Variants in CYB5R4 observed in about 807,000 individuals in gnomAD.
The protein encoded by CYB5R4 is cytochrome b5 reductase 4.
Under a neutral mutation model 70.2 loss-of-function variants are expected in CYB5R4, and 55 were observed. The ratio of observed to expected loss-of-function variants is 0.78; its 90% CI spans 0.63 to 0.98. CYB5R4 has a LOEUF of 0.98. CYB5R4 is among the 50% of genes least tolerant of loss of function. CYB5R4 has a pLI of 0.00. For missense variants in CYB5R4, 562 were observed against 612.6 expected, an observed-to-expected ratio of 0.92 and a Z score of 0.87; for synonymous variants, 197 against 199.5, an observed-to-expected ratio of 0.99 and a Z score of 0.11.
At chr6:83,918,120 A>G in intron 6 of CYB5R4, 55 bp downstream of exon 6, 1 of 1,337,008 alleles carries the variant, frequency 7.5e-7, no homozygotes, top group Non-Finnish European at 1.1e-6. Flanking sequence ...ACAAAAATGT[A>G]CACATTTAAA....
intron 9 of CYB5R4, among the ~76,000 whole-genome samples, chr6:83,924,086 A>AAG (rs1174216133): frequency 1.3e-5 from 2 of 150,464 alleles, no homozygotes; most frequent in African/African-American, 4.9e-5. Flanking sequence ...AAAAAAAAAA[A>AAG]AAAGAATTAA....
chr6:83,882,199 G>A (rs546064333), intron 2 of CYB5R4, among the ~76,000 whole-genome samples: 10 of 152,290 alleles, frequency 6.6e-5, no homozygotes, highest in Admixed American at 5.2e-4. Flanking sequence ...CATTGAACTT[G>A]AGGTTATGTG....
rs758410641 is a variant in CYB5R4 at position 83,918,065 on chromosome 6, G to A, written c.506G>A (p.Ser169Asn). The change falls in exon 6 of 16, where the codon AGC becomes AAC. Residue 169 changes from serine to asparagine, a missense_variant and splice_region_variant. Transcript: ENST00000369681. ...GCCAAAGAAGGTCCTAGTTATCCAA[G>A]GTATGCATTCTTATTTAAAATTTTT... is the stretch of plus-strand genomic sequence containing the variant. ...TLAKEGPSYPSYDWFQTDSLV... is the reference protein window; with the variant it reads ...TLAKEGPSYPNYDWFQTDSLV... 10 of 1,605,938 alleles carry A rather than the reference G, an allele frequency of 6.2e-6. No homozygotes were observed. The highest frequency in any genetic ancestry group is 8.5e-6 in the Non-Finnish European group (10 of 1,174,016).
At chr6:83,950,758 C>T (rs1468530591) in intron 14 of CYB5R4, among the ~76,000 whole-genome samples, 1 of 151,946 alleles carries the variant, frequency 6.6e-6, no homozygotes, top group Non-Finnish European at 1.5e-5. Context: ...AAAAATCACC[C>T]ATAATCCTAC....
chr6:83,904,944 G>C (rs1299638687), intron 3 of CYB5R4, among the ~76,000 whole-genome samples: 1 of 151,618 alleles, frequency 6.6e-6, no homozygotes, highest in African/African-American at 2.4e-5. Context: ...TCCTTTGGAA[G>C]TGTCATATTT....
chr6:83,870,615 T>C (rs1337483317), intron 2 of CYB5R4, among the ~76,000 whole-genome samples: 1 of 152,024 alleles, frequency 6.6e-6, no homozygotes, highest in Non-Finnish European at 1.5e-5. Flanking sequence ...CCCAGTAATA[T>C]ACTATCTAAA....
chr6:83,911,461 G>T (rs1562836848), intron 4 of CYB5R4, among the ~76,000 whole-genome samples: 1 of 152,088 alleles, frequency 6.6e-6, no homozygotes, highest in Non-Finnish European at 1.5e-5. Context: ...CAACAAGACT[G>T]AGCTCTTATC....
intron 2 of CYB5R4, among the ~76,000 whole-genome samples, chr6:83,888,155 C>T (rs1419668059): frequency 6.6e-6 from 1 of 152,046 alleles, no homozygotes; most frequent in Admixed American, 6.6e-5. Context: ...GTGGGAATAA[C>T]TTAATAAAAT....
chr6:83,896,804 C>T (rs957438347), intron 3 of CYB5R4, among the ~76,000 whole-genome samples: 7 of 151,954 alleles, frequency 4.6e-5, no homozygotes, highest in African/African-American at 1.7e-4. Flanking sequence ...AGTGGGATTG[C>T]TATGGTAGTT....
chr6:83,921,073 C>T lies in CYB5R4; in HGVS notation c.565-9C>T, dbSNP rs898836569. The T allele has an allele frequency of 6.8e-7, 1 of 1,472,674 alleles. No individual in the cohort carries two copies. The highest frequency in any genetic ancestry group is 9.1e-7 in the Non-Finnish European group (1 of 1,097,992). 91.2% of individuals were successfully genotyped at this position (1,472,674 alleles called of 1,614,324 possible). The stretch of plus-strand genomic sequence containing the variant: ...TTTCTAATCTTTCTATTTTTGCTTT[C>T]TCTTTAAGGATATCAATTTAGACTC... On this transcript the variant is annotated splice_polypyrimidine_tract_variant and intron_variant, in intron 7 of 15. Transcript: ENST00000369681.
At chr6:83,889,833 C>T (rs1196831094) in intron 2 of CYB5R4, among the ~76,000 whole-genome samples, 1 of 152,148 alleles carries the variant, frequency 6.6e-6, no homozygotes, top group Non-Finnish European at 1.5e-5. Flanking sequence ...AGGCACATCA[C>T]ATAGCAAAAG....
intron 3 of CYB5R4, among the ~76,000 whole-genome samples, chr6:83,903,491 T>G (rs957215205): frequency 6.6e-6 from 1 of 151,922 alleles, no homozygotes; most frequent in East Asian, 1.9e-4. Flanking sequence ...TTTTTTTGGT[T>G]GTTGTTTTTG....
rs1049254845 is a variant in CYB5R4 at position 83,964,651 on chromosome 6, T to C, written c.*4773T>C. On this transcript the variant is annotated 3_prime_UTR_variant, in exon 16 of 16. Transcript: ENST00000369681. ...GAGAAATTCAAGCTGGCTGTAGATA[T>C]TTGCATAAGTAACAAGGAACTGAAT... 3 of 152,148 alleles carry C rather than the reference T, an allele frequency of 2.0e-5. No individual in the cohort carries two copies. Among genetic ancestry groups the C allele is most frequent in the Non-Finnish European group, 4.4e-5 (3 of 68,038 alleles). 9.4% of individuals were successfully genotyped at this position (152,148 alleles called of 1,614,324 possible).
chr6:83,911,926 G>A (rs143077308), intron 4 of CYB5R4, among the ~76,000 whole-genome samples: 7 of 151,970 alleles, frequency 4.6e-5, no homozygotes, highest in African/African-American at 1.7e-4. Flanking sequence ...GCCTAGTGGT[G>A]CATGCCTGTG....
chr6:83,926,002 C>G (rs752487306), intron 10 of CYB5R4, among the ~76,000 whole-genome samples: 1 of 152,114 alleles, frequency 6.6e-6, no homozygotes, highest in African/African-American at 2.4e-5. Flanking sequence ...TAAAGAATGA[C>G]TGGTAATGTT....
chr6:83,948,120 TA>T (rs2099470931), intron 14 of CYB5R4, among the ~76,000 whole-genome samples: 1 of 152,102 alleles, frequency 6.6e-6, no homozygotes, highest in South Asian at 2.1e-4. Context: ...GGAACCAACC[TA>T]AATGTCCATC....
At chr6:83,883,822 A>C (rs956899927) in intron 2 of CYB5R4, among the ~76,000 whole-genome samples, 5 of 152,134 alleles carry the variant, frequency 3.3e-5, no homozygotes, top group African/African-American at 1.2e-4. Context: ...TGTGGAGTTA[A>C]AGGATAGGAG....
chr6:83,872,293 C>T (rs1481419925), intron 2 of CYB5R4, among the ~76,000 whole-genome samples: 1 of 152,060 alleles, frequency 6.6e-6, no homozygotes, highest in African/African-American at 2.4e-5. Flanking sequence ...TTTAAGTACC[C>T]TAGCAGGGTT....
chr6:83,937,445 G>A lies in CYB5R4; in HGVS notation c.1108+1069G>A, dbSNP rs144870833. Reference sequence around the variant, plus strand: ...GACTTTGAGTTTAAGAGCAGAAATTGTCTTACTTATCTTTGTATTTCCACC... The same window carrying A: ...GACTTTGAGTTTAAGAGCAGAAATTATCTTACTTATCTTTGTATTTCCACC... On this transcript the variant is annotated intron_variant, in intron 12 of 15. Coordinates refer to ENST00000369681, the MANE Select transcript of CYB5R4 (RefSeq NM_016230.4). 4.0e-4 allele frequency among the ~76,000 whole-genome samples: 61 copies of A among 152,222 alleles called. 1 individual carries two copies. Among genetic ancestry groups the A allele is most frequent in the Non-Finnish European group, 5.9e-4 (40 of 68,004 alleles).
Sources: gnomAD v4.1 joint callset for allele counts (sites outside exome capture counted in the v4.1 genomes callset) on GRCh38, gnomAD v4.1.1 for gene constraint, MANE v1.5 for transcripts, NCBI Gene and HGNC (gene_info 2026-07-23, HGNC 2026-07-21) for gene names.